HSP90AA1: variants seen among roughly 807,000 people sequenced by gnomAD.
HSP90AA1 encodes heat shock protein HSP 90-alpha.
In HSP90AA1, 18 loss-of-function variants were observed where a neutral mutation model predicts 73.3. The ratio of observed to expected loss-of-function variants is 0.25; its 90% CI spans 0.17 to 0.36. The LOEUF (loss-of-function observed/expected upper bound fraction) is 0.36. Ranked by LOEUF, HSP90AA1 falls within the 10% of genes least tolerant of loss-of-function variation. The pLI is 1.00. For synonymous variants in HSP90AA1, 477 were observed against 296.9 expected (o/e 1.61, Z -6.24); for missense variants, 704 against 874.2 (o/e 0.81, Z 2.45).
intron 1 of HSP90AA1, among the ~76,000 whole-genome samples, chr14:102,131,707 C>G (rs1490408013): frequency 6.6e-6 from 1 of 152,132 alleles, no homozygotes; most frequent in African/African-American, 2.4e-5. Context: ...TTATTTTGAC[C>G]AACATATTTG....
chr14:102,082,175 G>A lies in HSP90AA1; in HGVS notation c.2025C>T (p.Gly675=), dbSNP rs769654274. Residue 675 remains glycine, a synonymous_variant, in exon 10 of 11, where the codon GGC becomes GGT. Transcript: ENST00000216281. ...GTGTCTGGGGATCTTCCAGACTGAA[G>A]CCAGAAGACAGGAGCGCAGTTTCAT... ...LLYETALLSS[G]FSLEDPQTHA... The A allele has an allele frequency of 5.6e-6, 9 of 1,613,716 alleles. No individual in the cohort carries two copies. Among genetic ancestry groups the A allele is most frequent in the Middle Eastern group, 1.6e-4 (1 of 6,078 alleles).
chr14:102,086,783 G>A (rs1400350071), intron 1 of HSP90AA1, among the ~76,000 whole-genome samples: 2 of 151,676 alleles, frequency 1.3e-5, no homozygotes, highest in Non-Finnish European at 2.9e-5. Flanking sequence ...CGGGGAGCCC[G>A]CGGCCGCCCG....
At chr14:102,128,683 T>C (rs2049867987) in intron 1 of HSP90AA1, among the ~76,000 whole-genome samples, 1 of 148,434 alleles carries the variant, frequency 6.7e-6, no homozygotes, top group Non-Finnish European at 1.5e-5. Flanking sequence ...ATGCCTGTAG[T>C]ACCAGCTACT....
intron 1 of HSP90AA1, among the ~76,000 whole-genome samples, chr14:102,102,597 C>T (rs1381117184): frequency 6.6e-6 from 1 of 152,204 alleles, no homozygotes; most frequent in Non-Finnish European, 1.5e-5. Flanking sequence ...GACACGAGTT[C>T]CCTGTTCCAC....
At chr14:102,108,296 C>T (rs999891716) in intron 1 of HSP90AA1, among the ~76,000 whole-genome samples, 2 of 149,338 alleles carry the variant, frequency 1.3e-5, no homozygotes, top group Non-Finnish European at 3.0e-5. Flanking sequence ...AATTGGGCCT[C>T]GTTCTGTTGC....
intron 1 of HSP90AA1, among the ~76,000 whole-genome samples, chr14:102,131,256 G>A (rs925366745): frequency 4.6e-5 from 7 of 152,114 alleles, no homozygotes; most frequent in South Asian, 2.1e-4. Flanking sequence ...TTATGCCTAC[G>A]TTGGAGTCAT....
intron 1 of HSP90AA1, among the ~76,000 whole-genome samples, chr14:102,106,597 T>C (rs1008880762): frequency 7.3e-6 from 1 of 137,274 alleles, no homozygotes; most frequent in Non-Finnish European, 1.5e-5. Context: ...CGGGCTGGAG[T>C]GCAGTGGCAC....
intron 2 of HSP90AA1, among the ~76,000 whole-genome samples, chr14:102,093,750 A>G (rs887518394): frequency 6.6e-6 from 1 of 152,086 alleles, no homozygotes; most frequent in Non-Finnish European, 1.5e-5. Context: ...AGGCGAGTGG[A>G]TCACCTGAGG....
chr14:102,096,506 G>C (rs2049426764), intron 2 of HSP90AA1, among the ~76,000 whole-genome samples: 1 of 152,180 alleles, frequency 6.6e-6, no homozygotes, highest in Non-Finnish European at 1.5e-5. Flanking sequence ...AACCTCTTGC[G>C]ATGCCCTTCT....
intron 1 of HSP90AA1, among the ~76,000 whole-genome samples, chr14:102,119,876 T>C (rs7157967): frequency 0.14 from 20,635 of 152,150 alleles, 1,633 homozygotes; most frequent in African/African-American, 0.22. Flanking sequence ...GTCTATATGA[T>C]CCATAAAGTT....
At chr14:102,138,510 T>C (rs201079694) in intron 1 of HSP90AA1, among the ~76,000 whole-genome samples, 30 of 332 alleles carry the variant, frequency 0.09, 1 homozygote, top group East Asian at 0.38. Context: ...CTTTTTTTTC[T>C]TTTTTTTTTC....
intron 1 of HSP90AA1, among the ~76,000 whole-genome samples, chr14:102,113,440 T>C (rs1465120644): frequency 6.6e-6 from 1 of 151,306 alleles, no homozygotes; most frequent in Non-Finnish European, 1.5e-5. Flanking sequence ...GAGTGCAATG[T>C]TGTGATCTTG....
intron 1 of HSP90AA1, among the ~76,000 whole-genome samples, chr14:102,125,162 T>C (rs139396762): frequency 1.9e-3 from 296 of 152,166 alleles, no homozygotes; most frequent in Admixed American, 0.011. Flanking sequence ...TAGTTAATTT[T>C]TATTTATTTT....
chr14:102,135,049 G>A (rs530935389), intron 1 of HSP90AA1, among the ~76,000 whole-genome samples: 1 of 152,354 alleles, frequency 6.6e-6, no homozygotes, highest in South Asian at 2.1e-4. Flanking sequence ...AGAGCAGCTA[G>A]ATACAGAGTG....
chr14:102,082,021 G>C, intron 10 of HSP90AA1, 90 bp downstream of exon 10: 1 of 932,012 alleles, frequency 1.1e-6, no homozygotes. Flanking sequence ...AGGACAAGGT[G>C]CTCCAAGTTT....
Position 102,086,066 on chromosome 14 carries a change from T to A in HSP90AA1, c.221A>T (p.Lys74Ile). The A allele has an allele frequency of 6.2e-7, 1 of 1,613,940 alleles. No homozygotes were observed. The highest frequency in any genetic ancestry group is 8.5e-7 in the Non-Finnish European group (1 of 1,179,818). ...LTDPSKLDSG[K>I]ELHINLIPNK... Reference sequence around the variant, plus strand: ...CGGTATAAGGTTAATATGCAGCTCTTTCCCAGAGTCTAATTTACTGGGATC... The same window carrying A: ...CGGTATAAGGTTAATATGCAGCTCTATCCCAGAGTCTAATTTACTGGGATC... The change falls in exon 3 of 11, where the codon AAA becomes ATA. Residue 74 changes from lysine (K) to isoleucine (I), a missense_variant. Lys to Ile is a moderately radical substitution (Grantham distance 102, BLOSUM62 -3). Transcript: ENST00000216281.
chr14:102,082,961 A>G (rs766927584), intron 9 of HSP90AA1, 73 bp downstream of exon 9: 14 of 1,446,056 alleles, frequency 9.7e-6, no homozygotes, highest in Non-Finnish European at 1.9e-6. Flanking sequence ...AACATGCGAA[A>G]ATGGGCTATG....
chr14:102,108,297 G>GTTCT (rs2049595941), intron 1 of HSP90AA1, among the ~76,000 whole-genome samples: 1 of 146,676 alleles, frequency 6.8e-6, no homozygotes, highest in Non-Finnish European at 1.5e-5. Context: ...ATTGGGCCTC[G>GTTCT]TTCTGTTGCC....
rs199656456 is a variant in HSP90AA1, at chr14:102,082,458, G to A, written c.1756-14C>T. The A allele has an allele frequency of 3.3e-5, 53 of 1,591,336 alleles. No individual in the cohort carries two copies. In the African/African-American group the frequency reaches 6.8e-4, roughly 21 times the overall value. ...TGACACAACCACCTGTAATCAAAAA[G>A]TGATGACTAGGAACCTAGAAAGATT... On this transcript the variant is annotated splice_polypyrimidine_tract_variant and intron_variant, in intron 9 of 10. Coordinates refer to ENST00000216281, the MANE Select transcript of HSP90AA1 (RefSeq NM_005348.4).
Sources: allele counts gnomAD v4.1 joint callset (sites outside exome capture counted in the v4.1 genomes callset), GRCh38; gene constraint gnomAD v4.1.1; transcripts MANE v1.5; gene names NCBI Gene and HGNC (gene_info 2026-07-23, HGNC 2026-07-21).